Variants in TRMT2B observed in about 807,000 individuals in gnomAD.
TRMT2B encodes the protein tRNA methyltransferase 2B.
In TRMT2B, 34 loss-of-function variants were observed where a neutral mutation model predicts 39.7. That is an observed-to-expected ratio of 0.86 (90% CI 0.65 to 1.14). TRMT2B has a LOEUF of 1.14. TRMT2B is among the 50% of genes most tolerant of loss of function. The pLI is 0.00. For synonymous variants in TRMT2B, 132 were observed against 137.3 expected (o/e 0.96, Z 0.27); for missense variants, 318 against 377.2 (o/e 0.84, Z 1.30).
intron 6 of TRMT2B, among the ~76,000 whole-genome samples, chrX:101,036,422 G>A (rs1021491243): frequency 2.1e-5 from 2 of 95,576 alleles, no homozygotes; most frequent in Non-Finnish European, 4.1e-5. Flanking sequence ...TCCAGCCTGG[G>A]TGACAGTGCG....
At chrX:101,032,278 C>G (rs1480552733) in intron 7 of TRMT2B, among the ~76,000 whole-genome samples, 5 of 85,422 alleles carry the variant, frequency 5.9e-5, no homozygotes, top group Admixed American at 5.3e-4. Context: ...AGAGTGAGAC[C>G]CCTCTCAAAA....
downstream of TRMT2B, among the ~76,000 whole-genome samples, chrX:101,006,211 CAG>C (rs1414688358): frequency 3.6e-5 from 4 of 111,011 alleles, no homozygotes; most frequent in Non-Finnish European, 7.5e-5. Flanking sequence ...GCCTGGGTGA[CAG>C]AGTGAGACTC....
intron 2 of TRMT2B, among the ~76,000 whole-genome samples, chrX:101,046,620 G>A (rs1199051859): frequency 9.0e-6 from 1 of 110,830 alleles, no homozygotes; most frequent in African/African-American, 3.3e-5. Flanking sequence ...AAGAGTTGAA[G>A]ATAATTAATA....
intron 7 of TRMT2B, among the ~76,000 whole-genome samples, chrX:101,026,030 AAGGG>A (rs1217544717): frequency 1.0e-5 from 1 of 95,924 alleles, no homozygotes; most frequent in Non-Finnish European, 2.1e-5. Context: ...AGAAGGACAG[AAGGG>A]AGGGAGGAAG....
the TRMT2B span, among the ~76,000 whole-genome samples, chrX:100,981,867 TG>T: frequency 9.3e-6 from 1 of 107,313 alleles, no homozygotes; most frequent in African/African-American, 3.4e-5. Context: ...ACCTAATTTT[TG>T]GTTCTTATGA....
At chrX:101,007,445 G>A (rs1248320096), downstream of TRMT2B, among the ~76,000 whole-genome samples, 4 of 111,108 alleles carry the variant, frequency 3.6e-5, no homozygotes, top group South Asian at 7.6e-4. Context: ...TCAGCGGTTC[G>A]AGACCAGCCT....
downstream of TRMT2B, among the ~76,000 whole-genome samples, chrX:101,009,154 G>A: frequency 8.9e-6 from 1 of 111,900 alleles, no homozygotes; most frequent in South Asian, 3.7e-4. Context: ...TAAGAAGGAG[G>A]CTTCTCTAGA....
chrX:100,974,163 T>C, the TRMT2B span: 6 of 1,190,938 alleles, frequency 5.0e-6, no homozygotes, highest in African/African-American at 3.5e-5. Context: ...TGAACAACTC[T>C]GGCAAAACTG....
chrX:101,042,446 C>A (rs2088296578), intron 2 of TRMT2B, 134 bp from the exon 3 acceptor site: 1 of 675,502 alleles, frequency 1.5e-6, no homozygotes, highest in Non-Finnish European at 2.1e-6. Context: ...AAAAGCAAGC[C>A]TGTTGAGCAG....
intron 9 of TRMT2B, 111 bp from the exon 10 acceptor site, chrX:101,021,426 C>T: frequency 6.6e-6 from 4 of 610,645 alleles, no homozygotes; most frequent in Admixed American, 3.4e-5. Flanking sequence ...GTCAGGAGTT[C>T]GAGACCAGCC....
downstream of TRMT2B, among the ~76,000 whole-genome samples, chrX:101,009,157 T>C (rs1363645489): frequency 8.9e-6 from 1 of 112,084 alleles, no homozygotes; most frequent in Non-Finnish European, 1.9e-5. Flanking sequence ...GAAGGAGGCT[T>C]CTCTAGAATG....
At chrX:100,984,097 C>T in the TRMT2B span, among the ~76,000 whole-genome samples, 1 of 107,897 alleles carries the variant, frequency 9.3e-6, no homozygotes, top group Non-Finnish European at 1.9e-5. Context: ...TTCCATTTTC[C>T]TTCTTTTTTT....
At chrX:101,035,741 A>G in intron 6 of TRMT2B, 58 bp from the exon 7 acceptor site, 1 of 1,032,708 alleles carries the variant, frequency 9.7e-7, no homozygotes, top group South Asian at 1.9e-5. Flanking sequence ...TTAAAAGAAA[A>G]TGCCTGGCAA....
the TRMT2B span, chrX:100,987,499 C>T: frequency 3.1e-5 from 37 of 1,211,377 alleles, 1 homozygote; most frequent in Middle Eastern, 6.9e-4. Context: ...CCACCTACCT[C>T]GAGCATCTCA....
the TRMT2B span, chrX:100,990,594 T>C: frequency 8.7e-7 from 1 of 1,155,294 alleles, no homozygotes; most frequent in Non-Finnish European, 1.2e-6. Context: ...ACTGAGAGGC[T>C]CAAGAAGAGT....
chrX:101,023,694 G>A, intron 7 of TRMT2B, 78 bp from the exon 8 acceptor site: 1 of 996,666 alleles, frequency 1.0e-6, no homozygotes, highest in East Asian at 3.2e-5. Flanking sequence ...GTGATTGTTT[G>A]TGTTACATTG....
At chrX:100,987,115 A>G in the TRMT2B span, among the ~76,000 whole-genome samples, 1 of 112,056 alleles carries the variant, frequency 8.9e-6, no homozygotes, top group Admixed American at 9.5e-5. Flanking sequence ...TCCCCATTTT[A>G]TGGATAAAAA....
chrX:101,010,809 C>T, intron 13 of TRMT2B, 102 bp from the exon 14 acceptor site: 1 of 817,887 alleles, frequency 1.2e-6, no homozygotes, highest in Non-Finnish European at 1.7e-6. Flanking sequence ...TTCCCACAGG[C>T]CCCCTGTGTT....
At chrX:101,047,207 GAA>G (rs58813758) in intron 2 of TRMT2B, among the ~76,000 whole-genome samples, 34 of 82,652 alleles carry the variant, frequency 4.1e-4, no homozygotes, top group East Asian at 8.0e-4. Context: ...ACCCTGTCTC[GAA>G]AAAAAAAAAA....
Sources: gnomAD v4.1 joint callset for allele counts (sites outside exome capture counted in the v4.1 genomes callset) on GRCh38, gnomAD v4.1.1 for gene constraint, MANE v1.5 for transcripts, NCBI Gene and HGNC (gene_info 2026-07-23, HGNC 2026-07-21) for gene names.